Variants in OCA2 observed in about 807,000 individuals in gnomAD.
OCA2 encodes OCA2 melanosomal transmembrane protein.
OCA2 carries 77 observed loss-of-function variants against 100.2 expected under a neutral mutation model. The ratio of observed to expected loss-of-function variants is 0.77; its 90% CI spans 0.64 to 0.93. The LOEUF (loss-of-function observed/expected upper bound fraction) is 0.93. OCA2 is among the 40% of genes least tolerant of loss of function. The pLI, the probability that OCA2 is intolerant of heterozygous loss-of-function variation, is 0.00. For missense variants in OCA2, 1,062 were observed against 1,089.1 expected, an observed-to-expected ratio of 0.98 and a Z score of 0.35; for synonymous variants, 432 against 439.2, an observed-to-expected ratio of 0.98 and a Z score of 0.21.
intron 21 of OCA2, among the ~76,000 whole-genome samples, chr15:27,870,800 GAA>G (rs1260939882): frequency 1.7e-5 from 2 of 119,870 alleles, no homozygotes; most frequent in Non-Finnish European, 3.2e-5. Context: ...AAGAAAGAAA[GAA>G]AGAAAGAAAG....
At chr15:27,863,970 C>T (rs1197782683) in intron 21 of OCA2, among the ~76,000 whole-genome samples, 2 of 152,106 alleles carry the variant, frequency 1.3e-5, no homozygotes. Flanking sequence ...AAATGTGCCA[C>T]TTGGATTTCA....
chr15:27,972,688 T>C (rs749254262), intron 14 of OCA2, among the ~76,000 whole-genome samples: 5 of 152,004 alleles, frequency 3.3e-5, no homozygotes, highest in Middle Eastern at 3.4e-3. Context: ...TTGCCTACTT[T>C]TTATTGGGAT....
downstream of OCA2, among the ~76,000 whole-genome samples, chr15:27,752,668 G>A (rs1227985869): frequency 2.0e-5 from 3 of 152,158 alleles, no homozygotes; most frequent in Admixed American, 6.5e-5. Context: ...CATAAACTCA[G>A]GATGATTCCC....
At chr15:27,913,191 G>T (rs1267621501) in intron 19 of OCA2, among the ~76,000 whole-genome samples, 1 of 152,112 alleles carries the variant, frequency 6.6e-6, no homozygotes, top group Non-Finnish European at 1.5e-5. Context: ...TGTAGTTTTA[G>T]TAATATTCTA....
At chr15:27,901,001 G>A (rs1156945519) in intron 19 of OCA2, among the ~76,000 whole-genome samples, 3 of 152,172 alleles carry the variant, frequency 2.0e-5, no homozygotes, top group South Asian at 2.1e-4. Context: ...TCTGGAAGCC[G>A]GGGCTATAGC....
intron 2 of OCA2, among the ~76,000 whole-genome samples, chr15:28,064,972 C>T (rs896568246): frequency 2.6e-5 from 4 of 151,794 alleles, no homozygotes; most frequent in Admixed American, 6.6e-5. Flanking sequence ...CTTTTCCAAA[C>T]TATTTTTCCA....
intron 2 of OCA2, among the ~76,000 whole-genome samples, chr15:28,058,274 C>T (rs1377823315): frequency 1.3e-5 from 2 of 152,366 alleles, no homozygotes; most frequent in East Asian, 1.9e-4. Context: ...CAGGGAAGGA[C>T]GAAGGCCAGG....
intron 23 of OCA2, among the ~76,000 whole-genome samples, chr15:27,757,028 C>T (rs1432679802): frequency 6.6e-6 from 1 of 152,254 alleles, no homozygotes; most frequent in Non-Finnish European, 1.5e-5. Flanking sequence ...TCCCTCACAA[C>T]ACCTAGTCAC....
At chr15:27,990,925 G>A (rs1566767845) in intron 9 of OCA2, among the ~76,000 whole-genome samples, 1 of 152,156 alleles carries the variant, frequency 6.6e-6, no homozygotes, top group Non-Finnish European at 1.5e-5. Context: ...TATGAGAAAG[G>A]CCATAGCAAA....
chr15:28,020,036 C>T (rs771703252), intron 6 of OCA2, among the ~76,000 whole-genome samples: 2 of 152,186 alleles, frequency 1.3e-5, no homozygotes, highest in South Asian at 4.1e-4. Flanking sequence ...TTCCCCCCTG[C>T]GGCCTTCATC....
chr15:27,949,396 C>T (rs1443095635), intron 18 of OCA2, among the ~76,000 whole-genome samples: 1 of 152,200 alleles, frequency 6.6e-6, no homozygotes, highest in East Asian at 1.9e-4. Flanking sequence ...GGCATAGTAG[C>T]TCGTGCCTGT....
chr15:27,731,103 C>T, the OCA2 span, among the ~76,000 whole-genome samples: 1 of 152,234 alleles, frequency 6.6e-6, no homozygotes, highest in Middle Eastern at 3.4e-3. Flanking sequence ...AACCCTGTGT[C>T]ACAGGCTGTT....
chr15:28,049,484 T>G (rs1252697878), intron 2 of OCA2, among the ~76,000 whole-genome samples: 4 of 152,112 alleles, frequency 2.6e-5, no homozygotes, highest in African/African-American at 9.7e-5. Flanking sequence ...TATCCCAAAA[T>G]AATGGAAAGC....
At chr15:27,916,118 A>T (rs2038653872) in intron 19 of OCA2, among the ~76,000 whole-genome samples, 1 of 152,204 alleles carries the variant, frequency 6.6e-6, no homozygotes, top group Non-Finnish European at 1.5e-5. Flanking sequence ...GCATGTTTTC[A>T]TTATTATAAG....
At chr15:27,967,611 G>GAGC (rs1039024875) in intron 14 of OCA2, among the ~76,000 whole-genome samples, 10 of 152,250 alleles carry the variant, frequency 6.6e-5, no homozygotes, top group African/African-American at 2.2e-4. Context: ...CGTGGCTGGA[G>GAGC]AGCACAGCCC....
At chr15:28,082,409 C>T (rs141278231) in intron 1 of OCA2, among the ~76,000 whole-genome samples, 50 of 152,320 alleles carry the variant, frequency 3.3e-4, no homozygotes, top group African/African-American at 1.2e-3. Context: ...CTGTAACACT[C>T]ACCGGGAAGG....
intron 23 of OCA2, among the ~76,000 whole-genome samples, chr15:27,802,141 T>C (rs770414460): frequency 6.6e-6 from 1 of 152,172 alleles, no homozygotes; most frequent in Non-Finnish European, 1.5e-5. Context: ...ACATCTATTA[T>C]ATTTCTATAT....
intron 23 of OCA2, among the ~76,000 whole-genome samples, chr15:27,783,728 T>C (rs926124764): frequency 2.0e-5 from 3 of 152,240 alleles, no homozygotes; most frequent in Admixed American, 1.3e-4. Context: ...TTGTACCCTC[T>C]CAGCATGAAC....
chr15:27,987,384 A>G (rs907789083), intron 11 of OCA2, among the ~76,000 whole-genome samples: 1 of 152,096 alleles, frequency 6.6e-6, no homozygotes, highest in Non-Finnish European at 1.5e-5. Context: ...ACTTGGAATG[A>G]GAAGATGCAA....
Sources: gnomAD v4.1 joint callset for allele counts (sites outside exome capture counted in the v4.1 genomes callset) on GRCh38, gnomAD v4.1.1 for gene constraint, MANE v1.5 for transcripts, NCBI Gene and HGNC (gene_info 2026-07-23, HGNC 2026-07-21) for gene names.